GBP6: variants seen among roughly 807,000 people sequenced by gnomAD.
GBP6 encodes guanylate-binding protein 6.
A neutral mutation model predicts 61.5 loss-of-function variants in GBP6; 54 were observed. That is an observed-to-expected ratio of 0.88 (90% CI 0.71 to 1.10). The LOEUF (loss-of-function observed/expected upper bound fraction) is 1.10, where lower values mean the gene tolerates loss of function less well. Among genes scored for constraint, GBP6 ranks in the 50% least tolerant of loss-of-function variants. GBP6 has a pLI of 0.00. For synonymous variants in GBP6, 255 were observed against 273.7 expected (o/e 0.93, Z 0.67); for missense variants, 748 against 752.8 (o/e 0.99, Z 0.07).
At chr1:89,366,601 G>C (rs1652473932) in intron 1 of GBP6, among the ~76,000 whole-genome samples, 1 of 152,160 alleles carries the variant, frequency 6.6e-6, no homozygotes, top group Non-Finnish European at 1.5e-5. Flanking sequence ...CTTTGAGGTA[G>C]GTTATTTTGA....
In GBP6 at chr1:89,378,221, C is replaced by T. The variant is rs1205934362; in HGVS notation, c.428+9C>T. On this transcript the variant is annotated intron_variant, in intron 4 of 10. Coordinates refer to ENST00000370456, the MANE Select transcript of GBP6 (RefSeq NM_198460.3). ...GCCCTGGAGCAGCTGCAGTATCCTT[C>T]CAGGAACAGAACAGAACCACCAGGT... 1.2e-6 allele frequency: 2 copies of T among 1,603,620 alleles called. No individual in the cohort carries two copies. The highest frequency in any genetic ancestry group is 1.1e-5 in the South Asian group (1 of 89,154).
Position 89,382,857 on chromosome 1 carries a change from T to C in GBP6, c.1346T>C (p.Val449Ala), listed in dbSNP as rs555078891. 1.2e-6 allele frequency: 2 copies of C among 1,613,426 alleles called. No individual in the cohort carries two copies. Among genetic ancestry groups the C allele is most frequent in the South Asian group, 2.2e-5 (2 of 91,056 alleles). The change falls in exon 8 of 11, where the codon GTT (valine) becomes GCT (alanine). Residue 449 changes from valine (V) to alanine (A), a missense_variant. Val to Ala is a moderately conservative substitution (Grantham distance 64). Transcript: ENST00000370456. The part of the protein sequence containing the change: ...KERIEQDYWQ[V>A]PRKGVKAKEV... ...AGGATTGAACAGGACTATTGGCAAGTTCCCAGGAAAGGAGTAAAGGTAAGG... is the reference window on the plus strand; with the variant it reads ...AGGATTGAACAGGACTATTGGCAAGCTCCCAGGAAAGGAGTAAAGGTAAGG...
intron 3 of GBP6, among the ~76,000 whole-genome samples, chr1:89,375,060 T>C (rs1652767073): frequency 6.6e-6 from 1 of 152,206 alleles, no homozygotes. Flanking sequence ...CTAAGGATAA[T>C]GCCCTCCAGG....
intron 1 of GBP6, among the ~76,000 whole-genome samples, chr1:89,368,103 A>C (rs565080818): frequency 6.6e-6 from 1 of 152,264 alleles, no homozygotes; most frequent in African/African-American, 2.4e-5. Context: ...TATTTTAATC[A>C]ATTGTCCAGG....
At chr1:89,375,203 G>A (rs982425647) in intron 3 of GBP6, among the ~76,000 whole-genome samples, 1 of 151,950 alleles carries the variant, frequency 6.6e-6, no homozygotes, top group African/African-American at 2.4e-5. Flanking sequence ...CCATGTCTTT[G>A]CTATTATGAA....
At position 89,383,651 on chromosome 1, in the gene GBP6, G is replaced by A. The variant is rs1653050949; in HGVS notation, c.1366-1G>A. 1 of 1,599,568 alleles carries A rather than the reference G, an allele frequency of 6.3e-7. No individual in the cohort carries two copies. Among genetic ancestry groups the A allele is most frequent in the Admixed American group, 1.8e-5 (1 of 55,834 alleles). On this transcript the variant is annotated splice_acceptor_variant, in intron 8 of 10. Transcript: ENST00000370456. LOFTEE classifies it high-confidence loss of function. The stretch of plus-strand genomic sequence containing the variant: ...CTAAGTGCTTTTTCTTCCTTCCATA[G>A]GCAAAAGAGGTCTTCCAGAGGTTCC...
rs1319388601 is a variant in GBP6 at position 89,385,441 on chromosome 1, T to G, written c.1874T>G (p.Leu625Arg). ...CATGGTGTCAAAGGTGTGAGCTCAC[T>G]CTTTAAAAAGCATAAGCTCCCCTTT... ...IGHGVKGVSS[L>R]FKKHKLPF is the part of the protein sequence containing the mutation. The change falls in exon 11 of 11, where the codon CTC (leucine) becomes CGC (arginine). Residue 625 changes from leucine (L) to arginine (R), a missense_variant. Leu to Arg is a moderately radical substitution (Grantham distance 102). Coordinates refer to ENST00000370456, the MANE Select transcript of GBP6 (RefSeq NM_198460.3). 2 of 1,614,056 alleles carry G rather than the reference T, an allele frequency of 1.2e-6. No individual in the cohort carries two copies. The highest frequency in any genetic ancestry group is 1.6e-4 in the Middle Eastern group (1 of 6,062).
At position 89,384,280 on chromosome 1, in the gene GBP6, G is replaced by A. The variant is rs200225038; in HGVS notation, c.1656G>A (p.Thr552=). The part of the protein sequence containing the change: ...LREQIMMLEH[T]QKVQNDWLHE... ...AGCAGATTATGATGTTGGAGCACAC[G>A]CAGAAGGTAAGTCTGCCCTTGGCCT... The change falls in exon 10 of 11, where the codon ACG becomes ACA. Residue 552 remains threonine, a synonymous_variant. Coordinates refer to ENST00000370456, the MANE Select transcript of GBP6 (RefSeq NM_198460.3). The A allele has an allele frequency of 4.2e-4, 676 of 1,610,010 alleles. No homozygotes were observed. In the Middle Eastern group the frequency reaches 9.3e-3, roughly 22 times the overall value.
At chr1:89,370,610 T>C (rs1415725460) in intron 3 of GBP6, among the ~76,000 whole-genome samples, 1 of 152,262 alleles carries the variant, frequency 6.6e-6, no homozygotes, top group Non-Finnish European at 1.5e-5. Context: ...TCTAAATTTC[T>C]ATACACTTTA....
chr1:89,385,383 G>A lies in GBP6; in HGVS notation c.1816G>A (p.Ala606Thr). Residue 606 changes from alanine (A) to threonine (T), a missense_variant, in exon 11 of 11, where the codon GCA (alanine) becomes ACA (threonine). Physicochemically the swap from Ala to Thr is moderately conservative, Grantham distance 58. Transcript: ENST00000370456. ...GGACAACCTTGCCGATGAGCTAACT[G>A]CAATATTGTCTGCTCCTGCTAAATT... Reference protein sequence around the residue: ...TLDNLADELTAILSAPAKLIG... With the variant: ...TLDNLADELTTILSAPAKLIG... The A allele has an allele frequency of 6.2e-7, 1 of 1,614,086 alleles. No homozygotes were observed. The highest frequency in any genetic ancestry group is 8.5e-7 in the Non-Finnish European group (1 of 1,179,994).
intron 3 of GBP6, among the ~76,000 whole-genome samples, chr1:89,373,663 C>T (rs1023168754): frequency 2.6e-5 from 4 of 151,864 alleles, no homozygotes; most frequent in Admixed American, 6.6e-5. Context: ...CAGGGCCTGT[C>T]GTGAGGTGGC....
rs1653152342 is a variant in GBP6 at position 89,386,623 on chromosome 1, A to G, written c.*1154A>G. On this transcript the variant is annotated 3_prime_UTR_variant, in exon 11 of 11. Transcript: ENST00000370456. ...CTTCTATTTGTTTCGAGACTAAGGC[A>G]TACACTTTTCTGTGGCCTTTGAAAT... Among the ~76,000 whole-genome samples the G allele has an allele frequency of 1.3e-5, 2 of 152,182 alleles. No individual in the cohort carries two copies. Among genetic ancestry groups the G allele is most frequent in the Non-Finnish European group, 2.9e-5 (2 of 68,038 alleles).
In GBP6 at chr1:89,368,362, T is replaced by TA. The variant is rs548264625; in HGVS notation, c.-23-166dup. On this transcript the variant is annotated intron_variant, in intron 1 of 10. Transcript: ENST00000370456. ...TAATGTTCCATGTTTCATCACTTAATATCATTACAGACTTGGGAGAGTGAT... is the reference window on the plus strand; with the variant it reads ...TAATGTTCCATGTTTCATCACTTAATAATCATTACAGACTTGGGAGAGTGAT... Among the ~76,000 whole-genome samples, 267 of 152,348 alleles carry TA rather than the reference T, an allele frequency of 1.8e-3. 1 individual carries two copies. The highest frequency in any genetic ancestry group is 6.1e-3 in the African/African-American group (254 of 41,576).
intron 3 of GBP6, among the ~76,000 whole-genome samples, chr1:89,376,532 A>G (rs910419907): frequency 6.6e-6 from 1 of 152,122 alleles, no homozygotes; most frequent in African/African-American, 2.4e-5. Flanking sequence ...GGATGTATAC[A>G]TTTATTTCTG....
intron 3 of GBP6, among the ~76,000 whole-genome samples, chr1:89,374,343 G>C (rs1382715505): frequency 6.6e-6 from 1 of 151,716 alleles, no homozygotes. Flanking sequence ...CAATTATTAT[G>C]GATATATTTA....
intron 3 of GBP6, among the ~76,000 whole-genome samples, chr1:89,370,595 T>C (rs1007508863): frequency 6.6e-6 from 1 of 152,232 alleles, no homozygotes; most frequent in Non-Finnish European, 1.5e-5. Context: ...TATTTGGGAA[T>C]GGGTTCTAAA....
chr1:89,370,788 A>G (rs1652608277), intron 3 of GBP6, among the ~76,000 whole-genome samples: 2 of 152,202 alleles, frequency 1.3e-5, no homozygotes, highest in African/African-American at 4.8e-5. Flanking sequence ...CTGTTACCTC[A>G]CATAGTTACC....
rs1206005972 is a variant in GBP6, at chr1:89,368,809, A to G, written c.190+68A>G. 3 of 1,426,810 alleles carry G rather than the reference A, an allele frequency of 2.1e-6. No individual in the cohort carries two copies. The East Asian group carries it at 6.9e-5, about 33-fold the overall frequency. The allele number at this position is 1,426,810 out of a possible 1,614,324, so 88.4% of individuals were successfully genotyped here. ...CTATATCTCAGCTTCTTGATTCTCT[A>G]CCCCAGAGCACATGAAGGTAGACTC... On this transcript the variant is annotated intron_variant, in intron 2 of 10. Transcript: ENST00000370456.
Position 89,381,711 on chromosome 1 carries a change from G to A in GBP6, c.889G>A (p.Val297Met), listed in dbSNP as rs1383036930. 3 of 1,605,756 alleles carry A rather than the reference G, an allele frequency of 1.9e-6. No homozygotes were observed. Among genetic ancestry groups the A allele is most frequent in the East Asian group, 4.5e-5 (2 of 44,678 alleles). The stretch of plus-strand genomic sequence containing the variant: ...TCATTTAGGTCTGGGAACTCTGGCA[G>A]TGACTTATGTAGAGGCCATCAACAG... ...VTGNRLGTLA[V>M]TYVEAINSGA... The change falls in exon 7 of 11, where the codon GTG (valine) becomes ATG (methionine). Residue 297 changes from valine (V) to methionine (M), a missense_variant. Val to Met is a conservative substitution (Grantham distance 21). Coordinates refer to ENST00000370456, the MANE Select transcript of GBP6 (RefSeq NM_198460.3).
Sources: gnomAD v4.1 joint callset for allele counts (sites outside exome capture counted in the v4.1 genomes callset) on GRCh38, gnomAD v4.1.1 for gene constraint, MANE v1.5 for transcripts, NCBI Gene and HGNC (gene_info 2026-07-23, HGNC 2026-07-21) for gene names.